The following SCAPER variants were observed in gnomAD, a reference collection of about 807,000 sequenced individuals.
SCAPER encodes S-phase cyclin A associated protein in the ER.
A neutral mutation model predicts 182.2 loss-of-function variants in SCAPER; 98 were observed. The observed-to-expected ratio is 0.54, with a 90% CI of 0.46 to 0.64. The LOEUF (loss-of-function observed/expected upper bound fraction) is 0.64, where lower values mean the gene tolerates loss of function less well. Ranked by LOEUF, SCAPER falls within the 30% of genes least tolerant of loss-of-function variation. The pLI, the probability that SCAPER is intolerant of heterozygous loss-of-function variation, is 0.00. For synonymous variants in SCAPER, 605 were observed against 564.6 expected, an observed-to-expected ratio of 1.07 and a Z score of -1.01; for missense variants, 1,432 against 1,690.0, an observed-to-expected ratio of 0.85 and a Z score of 2.68.
chr15:76,461,482 T>A (rs1392667322), intron 25 of SCAPER, among the ~76,000 whole-genome samples: 1 of 152,000 alleles, frequency 6.6e-6, no homozygotes, highest in Non-Finnish European at 1.5e-5. Context: ...TTTTGCCTAA[T>A]GGTGATTTTT....
chr15:76,745,953 C>T (rs983107185), intron 15 of SCAPER, among the ~76,000 whole-genome samples: 1 of 152,166 alleles, frequency 6.6e-6, no homozygotes, highest in Non-Finnish European at 1.5e-5. Flanking sequence ...ACTAATAATA[C>T]ATAGATCAGA....
intron 24 of SCAPER, chr15:76,472,280 T>A: frequency 3.2e-6 from 2 of 619,030 alleles, no homozygotes; most frequent in Non-Finnish European, 6.1e-6. Flanking sequence ...ATGCTGACAC[T>A]GGCAGGGAGG....
chr15:76,658,630 T>G (rs940170931), intron 21 of SCAPER, among the ~76,000 whole-genome samples: 7 of 152,090 alleles, frequency 4.6e-5, no homozygotes, highest in Non-Finnish European at 1.5e-5. Flanking sequence ...AGAACAAAGC[T>G]GAAGACATCA....
At chr15:76,635,435 T>G (rs2053509619) in intron 21 of SCAPER, among the ~76,000 whole-genome samples, 1 of 151,870 alleles carries the variant, frequency 6.6e-6, no homozygotes, top group African/African-American at 2.4e-5. Flanking sequence ...AGGAATTGAT[T>G]TTTTTTTCCT....
At chr15:76,677,582 G>C (rs2057438927) in intron 20 of SCAPER, among the ~76,000 whole-genome samples, 1 of 151,618 alleles carries the variant, frequency 6.6e-6, no homozygotes, top group African/African-American at 2.4e-5. Context: ...AAAATTTTAA[G>C]TCTAGTTTTT....
chr15:76,748,730 C>T (rs975785923), intron 15 of SCAPER, among the ~76,000 whole-genome samples: 18 of 149,044 alleles, frequency 1.2e-4, no homozygotes, highest in Non-Finnish European at 1.9e-4. Flanking sequence ...ATACAAATGG[C>T]CAAAAAGTAC....
rs1256310139 is a variant in SCAPER, at chr15:76,351,228, G to C, written c.4099+9C>G. 1 of 1,605,694 alleles carries C rather than the reference G, an allele frequency of 6.2e-7. No individual in the cohort carries two copies. The highest frequency in any genetic ancestry group is 8.5e-7 in the Non-Finnish European group (1 of 1,175,740). On this transcript the variant is annotated intron_variant, in intron 31 of 31. Transcript: ENST00000563290. ...AAACACATGAAATTTAATTTCAATA[G>C]AGACATACCTTTGGGTTGGTAAGGC...
At chr15:76,358,531 G>A (rs2041168248) in intron 29 of SCAPER, among the ~76,000 whole-genome samples, 1 of 152,194 alleles carries the variant, frequency 6.6e-6, no homozygotes, top group Non-Finnish European at 1.5e-5. Flanking sequence ...CTTCCTTGTT[G>A]GCAGACAGCT....
chr15:76,353,763 A>G (rs527761593), intron 30 of SCAPER, among the ~76,000 whole-genome samples, 186 bp downstream of exon 30: 1 of 152,334 alleles, frequency 6.6e-6, no homozygotes, highest in Non-Finnish European at 1.5e-5. Context: ...ACAACACCCA[A>G]TCGCAGTTCC....
chr15:76,821,531 G>T (rs1018470093), intron 5 of SCAPER, among the ~76,000 whole-genome samples: 1 of 151,716 alleles, frequency 6.6e-6, no homozygotes, highest in Non-Finnish European at 1.5e-5. Context: ...CTGAGGTTGG[G>T]GGGGATCACT....
chr15:76,584,236 A>G (rs1383711414), intron 22 of SCAPER, among the ~76,000 whole-genome samples: 1 of 150,392 alleles, frequency 6.6e-6, no homozygotes. Flanking sequence ...GAATTCATGG[A>G]GATAGAGAGT....
chr15:76,638,724 A>G (rs2053849625), intron 21 of SCAPER, among the ~76,000 whole-genome samples: 1 of 152,170 alleles, frequency 6.6e-6, no homozygotes. Flanking sequence ...CAAGTATATA[A>G]ACTATGTCGA....
At chr15:76,883,050 A>G (rs1243430315) in intron 2 of SCAPER, among the ~76,000 whole-genome samples, 1 of 152,194 alleles carries the variant, frequency 6.6e-6, no homozygotes, top group African/African-American at 2.4e-5. Flanking sequence ...ACCAAAATCC[A>G]AAAGGAATCA....
At chr15:76,672,373 C>G (rs972003189) in intron 20 of SCAPER, among the ~76,000 whole-genome samples, 33 of 152,090 alleles carry the variant, frequency 2.2e-4, no homozygotes, top group Admixed American at 2.0e-3. Flanking sequence ...AGCTGAATAG[C>G]AACCTTACAA....
rs138349880 is a variant in SCAPER, at chr15:76,882,006, T to C, written c.6+1806A>G. ...TAGTTTGAATTTTGAACCATGTAAA[T>C]GCTGCATATGCTATTAAATTAAAAT... On this transcript the variant is annotated intron_variant, in intron 2 of 31. Transcript: ENST00000563290. Among the ~76,000 whole-genome samples, 21 of 152,282 alleles carry C rather than the reference T, an allele frequency of 1.4e-4. 1 individual carries two copies. The East Asian group carries it at 4.0e-3, about 29-fold the overall frequency.
intron 21 of SCAPER, among the ~76,000 whole-genome samples, chr15:76,623,659 A>G (rs565264260): frequency 2.6e-5 from 4 of 152,274 alleles, no homozygotes; most frequent in Non-Finnish European, 5.9e-5. Flanking sequence ...GACTTATAGT[A>G]TAGTTTGAAA....
intron 2 of SCAPER, among the ~76,000 whole-genome samples, chr15:76,875,501 GGCGT>G (rs2073076732): frequency 6.6e-6 from 1 of 152,038 alleles, no homozygotes; most frequent in Non-Finnish European, 1.5e-5. Flanking sequence ...AAACTTAGCG[GGCGT>G]GGTGGTACGC....
chr15:76,766,278 G>A (rs1436815009), intron 11 of SCAPER, among the ~76,000 whole-genome samples: 1 of 151,924 alleles, frequency 6.6e-6, no homozygotes, highest in Non-Finnish European at 1.5e-5. Flanking sequence ...TGTATTTTTA[G>A]TAGAGATGGG....
chr15:76,776,337 T>G (rs1425078633), intron 8 of SCAPER, among the ~76,000 whole-genome samples: 1 of 152,126 alleles, frequency 6.6e-6, no homozygotes, highest in Non-Finnish European at 1.5e-5. Context: ...GAACCCCTGT[T>G]CCCCATGGTT....
Sources: gnomAD v4.1 joint callset for allele counts (sites outside exome capture counted in the v4.1 genomes callset) on GRCh38, gnomAD v4.1.1 for gene constraint, MANE v1.5 for transcripts, NCBI Gene and HGNC (gene_info 2026-07-23, HGNC 2026-07-21) for gene names.